TMCO5A: variants seen among roughly 807,000 people sequenced by gnomAD.
The protein encoded by TMCO5A is transmembrane and coiled-coil domain-containing protein 5A.
A neutral mutation model predicts 42.3 loss-of-function variants in TMCO5A; 34 were observed. The observed-to-expected ratio is 0.80, with a 90% CI of 0.61 to 1.07. The LOEUF is 1.07. Among genes scored for constraint, TMCO5A ranks in the 50% least tolerant of loss-of-function variants. The pLI, the probability that TMCO5A is intolerant of heterozygous loss-of-function variation, is 0.00. For synonymous variants in TMCO5A, 131 were observed against 115.6 expected (o/e 1.13, Z -0.86); for missense variants, 357 against 327.9 (o/e 1.09, Z -0.69).
At chr15:38,016,244 T>C in the TMCO5A span, among the ~76,000 whole-genome samples, 18 of 152,192 alleles carry the variant, frequency 1.2e-4, no homozygotes, top group African/African-American at 4.3e-4. Context: ...AAGTCTATTT[T>C]TTAATGGGAT....
At chr15:37,957,644 T>C (rs2140807871) in intron 11 of TMCO5A, among the ~76,000 whole-genome samples, 1 of 152,238 alleles carries the variant, frequency 6.6e-6, no homozygotes, top group South Asian at 2.1e-4. Flanking sequence ...ATAATCAATG[T>C]CGTGAAAATG....
At chr15:38,025,952 T>C in the TMCO5A span, among the ~76,000 whole-genome samples, 1 of 152,318 alleles carries the variant, frequency 6.6e-6, no homozygotes, top group East Asian at 1.9e-4. Context: ...AGAAGTGCCT[T>C]TCACCTCCCA....
intron 5 of TMCO5A, 46 bp downstream of exon 5, chr15:37,937,442 A>G (rs750857607): frequency 6.2e-7 from 1 of 1,600,504 alleles, no homozygotes. Flanking sequence ...CAACAGCCCC[A>G]TTCATCAAAG....
At chr15:37,960,873 G>A (rs1248870662) in intron 11 of TMCO5A, among the ~76,000 whole-genome samples, 2 of 151,938 alleles carry the variant, frequency 1.3e-5, no homozygotes, top group African/African-American at 4.8e-5. Flanking sequence ...ATTTTTAATG[G>A]GATTGTTTGG....
chr15:37,939,831 A>G (rs569753034), intron 6 of TMCO5A, among the ~76,000 whole-genome samples: 5 of 152,144 alleles, frequency 3.3e-5, no homozygotes, highest in African/African-American at 9.6e-5. Context: ...TTGAAACTAT[A>G]TATCCCTTAG....
downstream of TMCO5A, among the ~76,000 whole-genome samples, chr15:37,954,810 A>T (rs1455218443): frequency 6.6e-6 from 1 of 152,146 alleles, no homozygotes; most frequent in Non-Finnish European, 1.5e-5. Flanking sequence ...GGGGGTACAA[A>T]GTTAAGAAAC....
intron 5 of TMCO5A, 35 bp from the exon 6 acceptor site, chr15:37,938,122 CT>C: frequency 1.3e-6 from 2 of 1,527,192 alleles, no homozygotes; most frequent in Non-Finnish European, 1.8e-6. Context: ...CCTTCTACAC[CT>C]TTTAATTTAG....
At chr15:38,040,458 G>A in the TMCO5A span, 9 of 152,282 alleles carry the variant, frequency 5.9e-5, no homozygotes, top group East Asian at 1.5e-3. Flanking sequence ...ACATTCCCTA[G>A]AGAAATAAAA....
chr15:37,976,244 TAA>T, the TMCO5A span, among the ~76,000 whole-genome samples: 9 of 141,622 alleles, frequency 6.4e-5, no homozygotes, highest in Admixed American at 7.1e-5. Flanking sequence ...GACCCCATCT[TAA>T]AAAAAAAAAA....
chr15:37,972,629 G>A (rs917568504), downstream of TMCO5A, among the ~76,000 whole-genome samples: 7 of 151,966 alleles, frequency 4.6e-5, no homozygotes, highest in Non-Finnish European at 4.4e-5. Context: ...TTTTAATGGG[G>A]TTGTTTTTTT....
At chr15:37,941,902 T>C (rs79018839) in intron 8 of TMCO5A, among the ~76,000 whole-genome samples, 172 bp downstream of exon 8, 2,501 of 152,238 alleles carry the variant, frequency 0.016, 81 homozygotes, top group African/African-American at 0.057. Context: ...ACTCTATTTG[T>C]CTTTGTCTCC....
the TMCO5A span, among the ~76,000 whole-genome samples, chr15:37,998,459 T>A: frequency 6.6e-6 from 1 of 152,182 alleles, no homozygotes; most frequent in Non-Finnish European, 1.5e-5. Flanking sequence ...AAAGACTGTC[T>A]TTTACCCTCT....
chr15:38,036,337 G>A, the TMCO5A span, among the ~76,000 whole-genome samples: 1 of 152,064 alleles, frequency 6.6e-6, no homozygotes, highest in Non-Finnish European at 1.5e-5. Flanking sequence ...CTCTTATCAT[G>A]TAAATATTCT....
chr15:38,021,326 A>C, the TMCO5A span, among the ~76,000 whole-genome samples: 1 of 152,308 alleles, frequency 6.6e-6, no homozygotes, highest in East Asian at 1.9e-4. Flanking sequence ...GCTTAAAAAG[A>C]AGCTTATTTT....
the TMCO5A span, among the ~76,000 whole-genome samples, chr15:38,009,765 C>G: frequency 6.6e-6 from 1 of 152,212 alleles, no homozygotes; most frequent in Admixed American, 6.5e-5. Context: ...CACTCAAGCT[C>G]TCTGAGACTC....
chr15:37,983,009 T>C, the TMCO5A span, among the ~76,000 whole-genome samples: 2 of 151,994 alleles, frequency 1.3e-5, no homozygotes, highest in African/African-American at 4.8e-5. Flanking sequence ...CTAAAATAAA[T>C]TGCTGCCTAG....
At chr15:38,029,401 AC>A in the TMCO5A span, among the ~76,000 whole-genome samples, 1 of 146,974 alleles carries the variant, frequency 6.8e-6, no homozygotes, top group Non-Finnish European at 1.5e-5. Context: ...ACACACACAC[AC>A]ACACTGTGTT....
the TMCO5A span, among the ~76,000 whole-genome samples, chr15:37,987,518 C>A: frequency 1.3e-5 from 2 of 151,970 alleles, no homozygotes; most frequent in Middle Eastern, 3.4e-3. Flanking sequence ...GGCTTTTGAT[C>A]CATTTTGAGT....
At chr15:38,025,676 C>T in the TMCO5A span, among the ~76,000 whole-genome samples, 1 of 152,086 alleles carries the variant, frequency 6.6e-6, no homozygotes, top group Non-Finnish European at 1.5e-5. Context: ...TAGGTTAGGG[C>T]CCTGATAAGG....
Sources: allele counts gnomAD v4.1 joint callset (sites outside exome capture counted in the v4.1 genomes callset), GRCh38; gene constraint gnomAD v4.1.1; transcripts MANE v1.5; gene names NCBI Gene and HGNC (gene_info 2026-07-23, HGNC 2026-07-21).